The following SYT7 variants were observed in gnomAD, a reference collection of about 807,000 sequenced individuals.
SYT7 encodes the protein synaptotagmin 7.
In SYT7, 29 loss-of-function variants were observed where a neutral mutation model predicts 75.1. That is an observed-to-expected ratio of 0.39 (90% CI 0.29 to 0.53). SYT7 has a LOEUF of 0.53. SYT7 is among the 20% of genes least tolerant of loss of function. The probability of loss-of-function intolerance (pLI) is 0.77; values close to 1 mark genes in which losing one functional copy is unlikely to be tolerated. For synonymous variants in SYT7, 376 were observed against 401.7 expected (o/e 0.94, Z 0.76); for missense variants, 693 against 953.2 (o/e 0.73, Z 3.59).
intron 9 of SYT7, among the ~76,000 whole-genome samples, chr11:61,525,203 C>T (rs556020758): frequency 1.3e-5 from 2 of 152,314 alleles, no homozygotes; most frequent in African/African-American, 2.4e-5. Flanking sequence ...TTTCTCCTAC[C>T]GTCCATTCTC....
chr11:61,537,759 C>A (rs1252321766), intron 7 of SYT7, among the ~76,000 whole-genome samples: 1 of 127,314 alleles, frequency 7.9e-6, no homozygotes, highest in Non-Finnish European at 2.0e-5. Context: ...TCCCTTACAT[C>A]CCCCCCGCCC....
rs139499352 is a variant in SYT7 at position 61,546,433 on chromosome 11, C to CAG, written c.348-180_348-179dup. On this transcript the variant is annotated intron_variant, in intron 4 of 12. Coordinates refer to ENST00000539008, the MANE Select transcript of SYT7 (RefSeq NM_001365809.2). This position sits in a 1 kb window ranked among gnomAD's most constrained non-coding sequence, Gnocchi z 7.6. ...GAGAGACAGACGGACATGAGACAGACAGAGAGAGAGAGAGAGACATCAGCA... is the reference window on the plus strand; with the variant it reads ...GAGAGACAGACGGACATGAGACAGACAGAGAGAGAGAGAGAGAGACATCAGCA... 196 of 546,338 alleles carry CAG rather than the reference C, an allele frequency of 3.6e-4. No individual in the cohort carries two copies. The highest frequency in any genetic ancestry group is 5.0e-4 in the Non-Finnish European group (154 of 310,062). 33.8% of individuals were successfully genotyped at this position (546,338 alleles called of 1,614,324 possible).
chr11:61,524,809 C>G lies in SYT7; in HGVS notation c.1472-277G>C. The G allele has an allele frequency of 3.0e-6, 1 of 336,230 alleles. No homozygotes were observed. Among genetic ancestry groups the G allele is most frequent in the Non-Finnish European group, 5.5e-6 (1 of 182,306 alleles). The allele number at this position is 336,230 out of a possible 1,614,324, so 20.8% of individuals were successfully genotyped here. ...ACGGCTTAAAGTACTTGCCCAGACT[C>G]CCAGCTAGTAAAGAGTAGAACTGCG... On this transcript the variant is annotated intron_variant, in intron 9 of 12. Transcript: ENST00000539008. The surrounding 1 kb of genome is among the most constrained non-coding windows in gnomAD (Gnocchi z 4.1).
chr11:61,549,768 T>G (rs1056675142), intron 3 of SYT7, among the ~76,000 whole-genome samples: 5 of 152,218 alleles, frequency 3.3e-5, no homozygotes, highest in Non-Finnish European at 7.3e-5. Flanking sequence ...AGAGGCAGGC[T>G]GGACGGCCGC....
chr11:61,549,856 T>C (rs1015713174), intron 3 of SYT7, among the ~76,000 whole-genome samples: 10 of 151,452 alleles, frequency 6.6e-5, no homozygotes, highest in African/African-American at 2.4e-4. Context: ...GCCCTCCCCC[T>C]GGTTGGGAAT....
Position 61,551,614 on chromosome 11 carries a change from G to C in SYT7, c.136-151C>G. ...GTGTGCGAGGCTGTCACCGCGGTGGGGGCCAATCCCCTGGATGCCTGCTCC... is the reference window on the plus strand; with the variant it reads ...GTGTGCGAGGCTGTCACCGCGGTGGCGGCCAATCCCCTGGATGCCTGCTCC... On this transcript the variant is annotated intron_variant, in intron 2 of 12. Coordinates refer to ENST00000539008, the MANE Select transcript of SYT7 (RefSeq NM_001365809.2). This position sits in a 1 kb window ranked among gnomAD's most constrained non-coding sequence, Gnocchi z 5.3. 1.3e-6 allele frequency: 1 copy of C among 757,624 alleles called. No individual in the cohort carries two copies. The highest frequency in any genetic ancestry group is 2.1e-6 in the Non-Finnish European group (1 of 466,684). The allele number at this position is 757,624 out of a possible 1,614,324, so 46.9% of individuals were successfully genotyped here. A position where few individuals can be genotyped will look rare whatever the true frequency, so the allele number is the denominator to read the frequency against.
intron 1 of SYT7, among the ~76,000 whole-genome samples, chr11:61,575,692 G>A (rs2064053255): frequency 6.6e-6 from 1 of 152,184 alleles, no homozygotes; most frequent in Non-Finnish European, 1.5e-5. Flanking sequence ...CAGGTACAGG[G>A]CCGGGGGAGG....
At chr11:61,562,471 ACGG>A (rs2063663170) in intron 1 of SYT7, among the ~76,000 whole-genome samples, 1 of 152,230 alleles carries the variant, frequency 6.6e-6, no homozygotes. Flanking sequence ...AGTGCCTGAC[ACGG>A]AATAAGTAGG....
intron 7 of SYT7, among the ~76,000 whole-genome samples, chr11:61,535,692 T>G (rs919029932): frequency 3.3e-5 from 5 of 152,150 alleles, no homozygotes; most frequent in Non-Finnish European, 5.9e-5. Context: ...CCCACGCTGC[T>G]TGGAACCTGG....
chr11:61,517,955 G>T lies in SYT7; in HGVS notation c.*672C>A, dbSNP rs78906365. ...CACCCGACCCCACTCAGCCCTATGG[G>T]CCTCTCCTCTCACACCCCCGGCCTC... is the stretch of plus-strand genomic sequence containing the variant. On this transcript the variant is annotated 3_prime_UTR_variant, in exon 13 of 13. Coordinates refer to ENST00000539008, the MANE Select transcript of SYT7 (RefSeq NM_001365809.2). The T allele has an allele frequency of 1.6e-5, 3 of 191,874 alleles. No individual in the cohort carries two copies. The East Asian group carries it at 3.7e-4, about 24-fold the overall frequency. 11.9% of individuals were successfully genotyped at this position (191,874 alleles called of 1,614,324 possible). A position where few individuals can be genotyped will look rare whatever the true frequency, so the allele number is the denominator to read the frequency against.
intron 1 of SYT7, among the ~76,000 whole-genome samples, chr11:61,577,619 C>T (rs545706079): frequency 3.3e-5 from 5 of 152,336 alleles, no homozygotes; most frequent in East Asian, 1.9e-4. Flanking sequence ...GATCCTTCAC[C>T]TTGAGAGAAG....
chr11:61,518,541 G>A lies in SYT7; in HGVS notation c.*86C>T, dbSNP rs948718547. The A allele has an allele frequency of 2.2e-5, 21 of 971,046 alleles. No homozygotes were observed. The highest frequency in any genetic ancestry group is 2.8e-5 in the Non-Finnish European group (19 of 682,160). 60.2% of individuals were successfully genotyped at this position (971,046 alleles called of 1,614,324 possible). On this transcript the variant is annotated 3_prime_UTR_variant, in exon 13 of 13. Coordinates refer to ENST00000539008, the MANE Select transcript of SYT7 (RefSeq NM_001365809.2). ...AGGGTCCTCCCCTCCCTATGGCAGG[G>A]GGCTCAGGCCGGGCGTTGTGCATAA...
In SYT7 at chr11:61,554,286, C is replaced by CCG. The variant is rs1225845964; in HGVS notation, c.135+1817_135+1818insCG. Among the ~76,000 whole-genome samples the CCG allele has an allele frequency of 5.3e-3, 808 of 152,070 alleles. 7 individuals are homozygous for CCG. Among genetic ancestry groups the CCG allele is most frequent in the African/African-American group, 0.019 (787 of 41,408 alleles). On this transcript the variant is annotated intron_variant, in intron 2 of 12. Coordinates refer to ENST00000539008, the MANE Select transcript of SYT7 (RefSeq NM_001365809.2). Reference sequence around the variant, plus strand: ...CCTGGGTCCTGGAAGTCATCTCTCACCACACACACCCACACCCACACCCAC... The same window carrying CCG: ...CCTGGGTCCTGGAAGTCATCTCTCACCGCACACACACCCACACCCACACCCAC...
chr11:61,534,843 TAC>T (rs10552302), intron 7 of SYT7, among the ~76,000 whole-genome samples: 18,400 of 147,506 alleles, frequency 0.12, 3,029 homozygotes, highest in African/African-American at 0.39. Flanking sequence ...ACGCACCACA[TAC>T]ACACACACAC....
chr11:61,579,863 G>A (rs577348395), intron 1 of SYT7, among the ~76,000 whole-genome samples: 1 of 152,354 alleles, frequency 6.6e-6, no homozygotes, highest in South Asian at 2.1e-4. Context: ...GGGGTGCTGG[G>A]ACTGGGTGGA....
At chr11:61,540,415 G>A in intron 6 of SYT7, 1 of 747,152 alleles carries the variant, frequency 1.3e-6, no homozygotes, top group Non-Finnish European at 1.6e-6. Context: ...CATTTTTAGA[G>A]GGTTGTTTTA....
At chr11:61,549,165 C>T (rs372075116) in intron 3 of SYT7, among the ~76,000 whole-genome samples, 3 of 152,004 alleles carry the variant, frequency 2.0e-5, no homozygotes, top group Admixed American at 6.6e-5. Flanking sequence ...CCATCCAGCC[C>T]GAGGTCCCAG....
chr11:61,564,205 G>A (rs2063708697), intron 1 of SYT7, among the ~76,000 whole-genome samples: 4 of 152,170 alleles, frequency 2.6e-5, no homozygotes, highest in Admixed American at 2.6e-4. Context: ...GGGAATCTGT[G>A]CCTATAGGCT....
At chr11:61,537,527 G>A (rs1192016528) in intron 7 of SYT7, among the ~76,000 whole-genome samples, 4 of 152,238 alleles carry the variant, frequency 2.6e-5, no homozygotes, top group Non-Finnish European at 4.4e-5. Context: ...CCTCACCCTT[G>A]CTCAGGACGG....
Sources: gnomAD v4.1 joint callset for allele counts (sites outside exome capture counted in the v4.1 genomes callset) on GRCh38, gnomAD v4.1.1 for gene constraint, Gnocchi (gnomAD v3.1) non-coding constraint, MANE v1.5 for transcripts, NCBI Gene and HGNC (gene_info 2026-07-23, HGNC 2026-07-21) for gene names.